INVS: variants seen among roughly 807,000 people sequenced by gnomAD.
INVS encodes the protein inversion of embryo turning homolog.
Under a neutral mutation model 108.8 loss-of-function variants are expected in INVS, and 86 were observed. The observed-to-expected ratio is 0.79, with a 90% confidence interval of 0.66 to 0.95. The LOEUF (loss-of-function observed/expected upper bound fraction) is 0.95. Ranked by LOEUF, INVS falls within the 40% of genes least tolerant of loss-of-function variation. The pLI, the probability that INVS is intolerant of heterozygous loss-of-function variation, is 0.00. For missense variants in INVS, 1,169 were observed against 1,297.4 expected (o/e 0.90, Z 1.52); for synonymous variants, 455 against 473.5 (o/e 0.96, Z 0.51).
intron 3 of INVS, among the ~76,000 whole-genome samples, chr9:100,194,481 T>A (rs753433087): frequency 6.0e-5 from 9 of 150,364 alleles, no homozygotes; most frequent in Non-Finnish European, 1.2e-4. Context: ...AACAATCGTC[T>A]TATATATAAA....
intron 9 of INVS, 85 bp downstream of exon 9, chr9:100,252,523 G>C (rs1832269605): frequency 8.2e-7 from 1 of 1,223,504 alleles, no homozygotes; most frequent in Non-Finnish European, 1.2e-6. Context: ...GCTTTCCTTA[G>C]CAGAAAGCTG....
At chr9:100,232,138 G>C (rs1040483789) in intron 5 of INVS, among the ~76,000 whole-genome samples, 2 of 151,566 alleles carry the variant, frequency 1.3e-5, no homozygotes, top group Non-Finnish European at 2.9e-5. Context: ...ATGTTTTTTG[G>C]CCACATAAAT....
At chr9:100,144,059 G>A (rs935449529) in intron 3 of INVS, among the ~76,000 whole-genome samples, 3 of 152,068 alleles carry the variant, frequency 2.0e-5, no homozygotes, top group Non-Finnish European at 4.4e-5. Context: ...TGAACAGTCT[G>A]ATTTTCAGTG....
intron 3 of INVS, among the ~76,000 whole-genome samples, chr9:100,185,594 G>T (rs1440400833): frequency 7.3e-6 from 1 of 136,866 alleles, no homozygotes; most frequent in Non-Finnish European, 1.5e-5. Context: ...AGTGGTTTTT[G>T]GTTACATGGA....
rs564671805 is a variant in INVS at position 100,281,094 on chromosome 9, A to G, written c.1785-3226A>G. Among the ~76,000 whole-genome samples the G allele has an allele frequency of 2.0e-5, 3 of 152,354 alleles. No individual in the cohort carries two copies. In the East Asian group the frequency reaches 5.8e-4, roughly 29 times the overall value. On this transcript the variant is annotated intron_variant, in intron 12 of 16. Coordinates refer to ENST00000262457, the MANE Select transcript of INVS (RefSeq NM_014425.5). ...ATGGTTAGTTTGAAGTGGCATCCCC[A>G]GCTTCTTTGTATGACCCAATTAATT...
At chr9:100,100,613 A>AATATATGTATATATAATATATATATT (rs1564111078) in intron 1 of INVS, among the ~76,000 whole-genome samples, 2 of 72,440 alleles carry the variant, frequency 2.8e-5, no homozygotes, top group Non-Finnish European at 4.9e-5. Context: ...TAATATATAT[A>AATATATGTATATATAATATATATATT]ATATATGTAT....
intron 2 of INVS, among the ~76,000 whole-genome samples, chr9:100,121,617 T>C (rs1827728632): frequency 6.6e-6 from 1 of 152,206 alleles, no homozygotes; most frequent in South Asian, 2.1e-4. Context: ...TCAATCTGAT[T>C]AGAGATTTAT....
intron 3 of INVS, among the ~76,000 whole-genome samples, chr9:100,153,147 A>C (rs182776839): frequency 0.013 from 1,951 of 151,510 alleles, 16 homozygotes; most frequent in Non-Finnish European, 0.018. Flanking sequence ...TCTCGGTGTA[A>C]GGAAAACTTT....
intron 3 of INVS, among the ~76,000 whole-genome samples, chr9:100,201,693 C>T (rs1830536835): frequency 1.3e-5 from 2 of 152,176 alleles, no homozygotes; most frequent in African/African-American, 4.8e-5. Context: ...CCAGAATTAC[C>T]TTGGAAGTGT....
At chr9:100,268,938 G>C (rs774026735) in intron 11 of INVS, among the ~76,000 whole-genome samples, 31 of 151,968 alleles carry the variant, frequency 2.0e-4, no homozygotes, top group Non-Finnish European at 3.8e-4. Flanking sequence ...GGAATAATTT[G>C]GGCCCTATAT....
At chr9:100,128,524 A>G (rs1827954753) in intron 3 of INVS, among the ~76,000 whole-genome samples, 1 of 152,244 alleles carries the variant, frequency 6.6e-6, no homozygotes. Flanking sequence ...ACAAAGCACC[A>G]GCATTCAGAG....
intron 3 of INVS, among the ~76,000 whole-genome samples, chr9:100,194,689 C>G (rs1830321951): frequency 6.6e-6 from 1 of 152,128 alleles, no homozygotes; most frequent in African/African-American, 2.4e-5. Context: ...CACCACTAAA[C>G]ATGAAATTAA....
chr9:100,271,891 C>T lies in INVS; in HGVS notation c.1572-973C>T, dbSNP rs143854924. ...CCGAAATTTTTTTTTTTTTTGGAGA[C>T]GGTGTCTCACTCTGTCACCCAGTCT... On this transcript the variant is annotated intron_variant, in intron 11 of 16. Coordinates refer to ENST00000262457, the MANE Select transcript of INVS (RefSeq NM_014425.5). 6.4e-3 allele frequency among the ~76,000 whole-genome samples: 957 copies of T among 149,956 alleles called. 9 individuals are homozygous for T. The highest frequency in any genetic ancestry group is 0.011 in the Non-Finnish European group (745 of 67,670).
intron 3 of INVS, among the ~76,000 whole-genome samples, chr9:100,134,491 C>T (rs1477474181): frequency 2.0e-5 from 3 of 152,138 alleles, no homozygotes; most frequent in African/African-American, 7.2e-5. Context: ...AATTGTAGTT[C>T]TACTTTTAGT....
At position 100,145,749 on chromosome 9, in the gene INVS, G is replaced by A. The variant is rs181209437; in HGVS notation, c.273+19200G>A. On this transcript the variant is annotated intron_variant, in intron 3 of 16. Coordinates refer to ENST00000262457, the MANE Select transcript of INVS (RefSeq NM_014425.5). ...TGAGTAATCAGGCAGTCGTCCCCAC[G>A]TGATTAAACACCAAGGGAAGACTGT... 2.0e-3 allele frequency among the ~76,000 whole-genome samples: 307 copies of A among 152,254 alleles called. 2 individuals carry two copies. Among genetic ancestry groups the A allele is most frequent in the Non-Finnish European group, 3.4e-3 (232 of 68,024 alleles).
At chr9:100,101,343 A>G (rs1826985167) in intron 1 of INVS, 1 of 152,028 alleles carries the variant, frequency 6.6e-6, no homozygotes. Context: ...ACTGCTGATT[A>G]TAAATACAAC....
intron 3 of INVS, among the ~76,000 whole-genome samples, chr9:100,170,564 C>CA (rs200594637): frequency 0.031 from 4,422 of 141,292 alleles, 205 homozygotes; most frequent in African/African-American, 0.11. Context: ...GATTCTGTCT[C>CA]AAAAAAAAAA....
At chr9:100,175,275 C>A in intron 3 of INVS, 2 of 653,984 alleles carry the variant, frequency 3.1e-6, no homozygotes, top group Non-Finnish European at 2.8e-6. Context: ...GGGCCCAAAA[C>A]AAACTATCCA....
At chr9:100,134,872 A>G (rs556458471) in intron 3 of INVS, among the ~76,000 whole-genome samples, 2 of 152,358 alleles carry the variant, frequency 1.3e-5, no homozygotes, top group South Asian at 4.1e-4. Flanking sequence ...GTTCAACCAC[A>G]TAAGTTAATT....
Sources: allele counts gnomAD v4.1 joint callset (sites outside exome capture counted in the v4.1 genomes callset), GRCh38; gene constraint gnomAD v4.1.1; transcripts MANE v1.5; gene names NCBI Gene and HGNC (gene_info 2026-07-23, HGNC 2026-07-21).